Variants in ATRNL1 observed in about 807,000 individuals in gnomAD.
The protein encoded by ATRNL1 is attractin-like protein 1.
ATRNL1 carries 95 observed loss-of-function variants against 182.7 expected under a neutral mutation model. The ratio of observed to expected loss-of-function variants is 0.52; its 90% CI spans 0.44 to 0.62. ATRNL1 has a LOEUF of 0.62. Ranked by LOEUF, ATRNL1 falls within the 20% of genes least tolerant of loss-of-function variation. The pLI is 0.00. For synonymous variants in ATRNL1, 576 were observed against 568.3 expected, an observed-to-expected ratio of 1.01 and a Z score of -0.19; for missense variants, 1,471 against 1,679.5, an observed-to-expected ratio of 0.88 and a Z score of 2.17.
intron 28 of ATRNL1, among the ~76,000 whole-genome samples, chr10:115,913,673 T>C (rs1405641484): frequency 6.6e-6 from 1 of 152,206 alleles, no homozygotes; most frequent in African/African-American, 2.4e-5. Context: ...CTCCCAGCAC[T>C]GCTCACATGT....
chr10:115,253,221 T>C (rs1554905786), intron 10 of ATRNL1, among the ~76,000 whole-genome samples: 1 of 152,186 alleles, frequency 6.6e-6, no homozygotes, highest in Non-Finnish European at 1.5e-5. Context: ...GTTGTGATGC[T>C]CGATGGATAA....
intron 9 of ATRNL1, among the ~76,000 whole-genome samples, chr10:115,239,805 T>C (rs1324595136): frequency 1.3e-5 from 2 of 152,176 alleles, no homozygotes; most frequent in Admixed American, 1.3e-4. Flanking sequence ...TACCACCCTA[T>C]GAGTGGCAAC....
At chr10:115,389,588 A>ATATATATATATG (rs1843911519) in intron 19 of ATRNL1, among the ~76,000 whole-genome samples, 1 of 94,856 alleles carries the variant, frequency 1.1e-5, no homozygotes, top group Non-Finnish European at 2.0e-5. Context: ...ATATATATAT[A>ATATATATATATG]TATTTCATCC....
intron 7 of ATRNL1, among the ~76,000 whole-genome samples, chr10:115,166,605 TA>T (rs1456449476): frequency 6.6e-6 from 1 of 151,942 alleles, no homozygotes; most frequent in Non-Finnish European, 1.5e-5. Flanking sequence ...ATAATTGACC[TA>T]ATGAGTATCT....
At chr10:115,859,327 GAGCGAGAGATCCAGAGACCTTGGTTGT>G (rs1312266851) in intron 28 of ATRNL1, among the ~76,000 whole-genome samples, 2 of 151,930 alleles carry the variant, frequency 1.3e-5, no homozygotes, top group African/African-American at 4.8e-5. Flanking sequence ...CTCAAGCAGG[GAGCGAGAGATCCAGAGACCTTGGTTGT>G]AGTCCCTGCT....
chr10:115,181,712 A>G (rs1847752812), intron 8 of ATRNL1, among the ~76,000 whole-genome samples: 1 of 151,778 alleles, frequency 6.6e-6, no homozygotes, highest in Non-Finnish European at 1.5e-5. Context: ...ATGATGCCAC[A>G]GTGAAAAAAA....
intron 26 of ATRNL1, among the ~76,000 whole-genome samples, chr10:115,725,243 T>C (rs1244904719): frequency 6.6e-6 from 1 of 152,184 alleles, no homozygotes; most frequent in Non-Finnish European, 1.5e-5. Flanking sequence ...AAATATACTT[T>C]CGCATTCTAC....
intron 8 of ATRNL1, among the ~76,000 whole-genome samples, chr10:115,177,665 C>G (rs145513169): frequency 0.012 from 1,783 of 152,068 alleles, 33 homozygotes; most frequent in African/African-American, 0.04. Flanking sequence ...TCCATTTTTG[C>G]TAGAGATGGG....
intron 26 of ATRNL1, among the ~76,000 whole-genome samples, chr10:115,687,335 T>C (rs1213403156): frequency 6.6e-6 from 1 of 152,118 alleles, no homozygotes; most frequent in Non-Finnish European, 1.5e-5. Context: ...TTGGCCATTT[T>C]AGATTTATCA....
intron 20 of ATRNL1, among the ~76,000 whole-genome samples, chr10:115,403,953 A>G (rs1051589773): frequency 3.9e-5 from 6 of 152,188 alleles, no homozygotes; most frequent in Admixed American, 6.5e-5. Flanking sequence ...CCAAAAGCAT[A>G]CATCTGAAAA....
At chr10:115,531,672 C>T (rs1308942605) in intron 25 of ATRNL1, among the ~76,000 whole-genome samples, 1 of 151,032 alleles carries the variant, frequency 6.6e-6, no homozygotes, top group Admixed American at 6.6e-5. Flanking sequence ...GTTGCCATTG[C>T]TTTTGGTGTT....
intron 9 of ATRNL1, chr10:115,220,374 G>A (rs1849405684): frequency 6.6e-6 from 1 of 151,916 alleles, no homozygotes; most frequent in South Asian, 2.1e-4. Context: ...TTTAATGCAG[G>A]GTGCTTGGTC....
intron 21 of ATRNL1, among the ~76,000 whole-genome samples, chr10:115,449,769 T>C (rs1422249697): frequency 2.0e-5 from 3 of 152,140 alleles, no homozygotes; most frequent in Non-Finnish European, 4.4e-5. Flanking sequence ...GTGAGACCCA[T>C]GAAGGGTCAG....
chr10:115,779,888 T>TG (rs1315975465), intron 27 of ATRNL1, among the ~76,000 whole-genome samples: 1 of 152,064 alleles, frequency 6.6e-6, no homozygotes, highest in African/African-American at 2.4e-5. Flanking sequence ...CCTGGAAAAA[T>TG]GGTTCTTTGA....
chr10:115,661,889 C>T (rs76920714), intron 26 of ATRNL1, among the ~76,000 whole-genome samples: 1,631 of 151,538 alleles, frequency 0.011, 32 homozygotes, highest in African/African-American at 0.037. Flanking sequence ...TTATTTAACA[C>T]GAGGTATATC....
intron 5 of ATRNL1, among the ~76,000 whole-genome samples, chr10:115,137,819 G>A (rs1554877086): frequency 1.3e-5 from 2 of 152,116 alleles, no homozygotes; most frequent in African/African-American, 4.8e-5. Context: ...CAAAACCAAT[G>A]ATGCCTTCCC....
chr10:115,448,267 A>G (rs144119203), intron 21 of ATRNL1, among the ~76,000 whole-genome samples: 120 of 152,292 alleles, frequency 7.9e-4, no homozygotes, highest in African/African-American at 2.8e-3. Flanking sequence ...CACCTACCCT[A>G]AACTCGAATA....
chr10:115,212,321 A>G (rs538458888), intron 8 of ATRNL1, among the ~76,000 whole-genome samples: 1 of 138,460 alleles, frequency 7.2e-6, no homozygotes, highest in Admixed American at 7.2e-5. Context: ...TTTTGCTGAG[A>G]TATTTTTGTT....
rs189926740 is a variant in ATRNL1, at chr10:115,525,872, G to A, written c.3716+6548G>A. 2.1e-3 allele frequency among the ~76,000 whole-genome samples: 317 copies of A among 152,116 alleles called. 1 individual carries two copies. Among genetic ancestry groups the A allele is most frequent in the African/African-American group, 7.2e-3 (297 of 41,504 alleles). On this transcript the variant is annotated intron_variant, in intron 25 of 28. Coordinates refer to ENST00000355044, the MANE Select transcript of ATRNL1 (RefSeq NM_207303.4). ...TGCCCTTTATCAAATATTTAAATCTGGTCATACTTCCATGGCTCCTGCCAG... is the reference window on the plus strand; with the variant it reads ...TGCCCTTTATCAAATATTTAAATCTAGTCATACTTCCATGGCTCCTGCCAG...
Sources: gnomAD v4.1 joint callset for allele counts (sites outside exome capture counted in the v4.1 genomes callset) on GRCh38, gnomAD v4.1.1 for gene constraint, MANE v1.5 for transcripts, NCBI Gene and HGNC (gene_info 2026-07-23, HGNC 2026-07-21) for gene names.